The following LHFPL3 variants were observed in gnomAD, a reference collection of about 807,000 sequenced individuals.
LHFPL3 encodes the protein LHFPL tetraspan subfamily member 3 protein.
LHFPL3 carries 5 observed loss-of-function variants against 19.3 expected under a neutral mutation model. That is an observed-to-expected ratio of 0.26 (90% CI 0.14 to 0.54). LHFPL3 has a LOEUF of 0.54. Ranked by LOEUF, LHFPL3 falls within the 20% of genes least tolerant of loss-of-function variation. The probability of loss-of-function intolerance (pLI) is 0.94; values close to 1 mark genes in which losing one functional copy is unlikely to be tolerated. For missense variants in LHFPL3, 249 were observed against 307.4 expected (o/e 0.81, Z 1.42); for synonymous variants, 133 against 126.2 (o/e 1.05, Z -0.36).
chr7:104,462,964 C>G (rs993862234), intron 1 of LHFPL3, among the ~76,000 whole-genome samples: 1 of 152,064 alleles, frequency 6.6e-6, no homozygotes, highest in Non-Finnish European at 1.5e-5. Flanking sequence ...CCAGTTCAGT[C>G]TTTGGAGGGT....
chr7:104,701,297 G>A (rs574962730), intron 1 of LHFPL3, among the ~76,000 whole-genome samples: 2 of 152,128 alleles, frequency 1.3e-5, no homozygotes, highest in Admixed American at 6.5e-5. Flanking sequence ...GAACAATGCA[G>A]GGATTAAGGG....
chr7:104,339,743 C>T (rs760781392), intron 1 of LHFPL3, among the ~76,000 whole-genome samples: 3 of 152,096 alleles, frequency 2.0e-5, no homozygotes, highest in African/African-American at 4.8e-5. Flanking sequence ...CTTATGTAGC[C>T]GTCATACCAT....
intron 1 of LHFPL3, among the ~76,000 whole-genome samples, chr7:104,620,163 C>A (rs1791418782): frequency 6.6e-6 from 1 of 152,140 alleles, no homozygotes; most frequent in African/African-American, 2.4e-5. Context: ...GGTAAGAACA[C>A]AGCACTCAAG....
chr7:104,359,814 C>T (rs763031325), intron 1 of LHFPL3, among the ~76,000 whole-genome samples: 1 of 152,248 alleles, frequency 6.6e-6, no homozygotes, highest in Non-Finnish European at 1.5e-5. Flanking sequence ...ATGCTCCAGT[C>T]GGGCTGGCCT....
At chr7:104,651,059 C>T (rs538125413) in intron 1 of LHFPL3, among the ~76,000 whole-genome samples, 62 of 152,056 alleles carry the variant, frequency 4.1e-4, no homozygotes, top group Non-Finnish European at 8.1e-4. Context: ...GAGCAGCCAC[C>T]GTAAGAATAA....
chr7:104,544,820 GC>G (rs1794550612), intron 1 of LHFPL3, among the ~76,000 whole-genome samples: 1 of 152,106 alleles, frequency 6.6e-6, no homozygotes, highest in Non-Finnish European at 1.5e-5. Flanking sequence ...TCCTTTTCCT[GC>G]CCCTCACTAG....
chr7:104,739,028 G>C (rs972034689), intron 2 of LHFPL3: 4 of 152,110 alleles, frequency 2.6e-5, no homozygotes, highest in African/African-American at 9.7e-5. Flanking sequence ...GGGATCATCA[G>C]GCCACATTGA....
chr7:104,791,536 G>T (rs1292412941), intron 2 of LHFPL3, among the ~76,000 whole-genome samples: 1 of 152,000 alleles, frequency 6.6e-6, no homozygotes, highest in South Asian at 2.1e-4. Context: ...CTGTTTTTCT[G>T]GATCTTTGGA....
chr7:104,356,463 TC>T (rs1790277046), intron 1 of LHFPL3, among the ~76,000 whole-genome samples: 1 of 152,210 alleles, frequency 6.6e-6, no homozygotes, highest in Non-Finnish European at 1.5e-5. Context: ...TCCATTTTTG[TC>T]ATTGTCAGAA....
At chr7:104,337,017 G>A (rs1395425781) in intron 1 of LHFPL3, among the ~76,000 whole-genome samples, 2 of 152,002 alleles carry the variant, frequency 1.3e-5, no homozygotes, top group Non-Finnish European at 2.9e-5. Flanking sequence ...TGCATCACAG[G>A]CCCTTTTTTT....
At chr7:104,486,796 T>C (rs1175325142) in intron 1 of LHFPL3, among the ~76,000 whole-genome samples, 2 of 152,212 alleles carry the variant, frequency 1.3e-5, no homozygotes, top group African/African-American at 4.8e-5. Context: ...TTGCTTTCTT[T>C]AAGTTTATTT....
At chr7:104,583,414 T>G (rs927150038) in intron 1 of LHFPL3, among the ~76,000 whole-genome samples, 3 of 152,100 alleles carry the variant, frequency 2.0e-5, no homozygotes, top group African/African-American at 7.2e-5. Flanking sequence ...GAACTTCATG[T>G]CTAAAACATC....
intron 1 of LHFPL3, among the ~76,000 whole-genome samples, chr7:104,701,926 A>G (rs1793111200): frequency 6.6e-6 from 1 of 152,150 alleles, no homozygotes; most frequent in South Asian, 2.1e-4. Context: ...TTCAGGTTAC[A>G]TAGGTATACA....
At chr7:104,444,490 C>G (rs1215625515) in intron 1 of LHFPL3, among the ~76,000 whole-genome samples, 1 of 152,138 alleles carries the variant, frequency 6.6e-6, no homozygotes, top group Admixed American at 6.5e-5. Flanking sequence ...TAAAAACTCT[C>G]CATTGAAAGA....
chr7:104,608,395 G>A lies in LHFPL3; in HGVS notation c.446-128280G>A, dbSNP rs567733243. Among the ~76,000 whole-genome samples the A allele has an allele frequency of 2.3e-4, 34 of 150,708 alleles. No homozygotes were observed. The East Asian group carries it at 6.7e-3, about 29-fold the overall frequency. ...ATCATTCTCAGCAAACCATCACAAGGACAAAAAACCAAACACCGCATGTTC... is the reference window on the plus strand; with the variant it reads ...ATCATTCTCAGCAAACCATCACAAGAACAAAAAACCAAACACCGCATGTTC... On this transcript the variant is annotated intron_variant, in intron 1 of 2. Transcript: ENST00000424859.
intron 2 of LHFPL3, among the ~76,000 whole-genome samples, chr7:104,830,679 T>C (rs1790934203): frequency 6.6e-6 from 1 of 151,966 alleles, no homozygotes; most frequent in African/African-American, 2.4e-5. Flanking sequence ...TCTGTTCTGT[T>C]CCATTAATCT....
intron 1 of LHFPL3, among the ~76,000 whole-genome samples, chr7:104,415,565 A>G (rs187793545): frequency 3.9e-5 from 6 of 152,190 alleles, no homozygotes; most frequent in Admixed American, 2.6e-4. Flanking sequence ...CTATTCTCTC[A>G]CCCCAACTCT....
intron 2 of LHFPL3, among the ~76,000 whole-genome samples, chr7:104,747,206 C>T (rs566316860): frequency 4.6e-5 from 7 of 152,340 alleles, no homozygotes; most frequent in Admixed American, 2.0e-4. Context: ...TCTGCAAGTT[C>T]GATGACAGTC....
intron 2 of LHFPL3, among the ~76,000 whole-genome samples, chr7:104,776,734 A>G (rs1372904592): frequency 6.6e-6 from 1 of 152,224 alleles, no homozygotes; most frequent in Non-Finnish European, 1.5e-5. Context: ...TCACTGCAAC[A>G]GTTCCCCTGT....
Sources: gnomAD v4.1 joint callset for allele counts (sites outside exome capture counted in the v4.1 genomes callset) on GRCh38, gnomAD v4.1.1 for gene constraint, MANE v1.5 for transcripts, NCBI Gene and HGNC (gene_info 2026-07-23, HGNC 2026-07-21) for gene names.